CIPC: variants seen among roughly 807,000 people sequenced by gnomAD.
CIPC encodes the protein CLOCK-interacting pacemaker.
CIPC carries 12 observed loss-of-function variants against 26.7 expected under a neutral mutation model. That is an observed-to-expected ratio of 0.45 (90% CI 0.29 to 0.73). CIPC has a LOEUF of 0.73. Among genes scored for constraint, CIPC ranks in the 30% least tolerant of loss-of-function variants. The pLI is 0.12. For missense variants in CIPC, 417 were observed against 486.5 expected (o/e 0.86, Z 1.34); for synonymous variants, 170 against 189.8 (o/e 0.90, Z 0.86).
chr14:77,113,915 T>C lies in CIPC; in HGVS notation c.797T>C (p.Val266Ala). Residue 266 changes from valine (V) to alanine (A), a missense_variant, in exon 4 of 4, where the codon GTC (valine) becomes GCC (alanine). By Grantham distance (64) the Val-to-Ala change is moderately conservative. Transcript: ENST00000361786. ...ACCTTCGCTTCCCCCGCCAGTCCTG[T>C]CTGCGCATCAGACAGCACTCTCCAT... ...SLTFASPASP[V>A]CASDSTLHGL... 1 of 1,614,148 alleles carries C rather than the reference T, an allele frequency of 6.2e-7. No homozygotes were observed. Among genetic ancestry groups the C allele is most frequent in the Non-Finnish European group, 8.5e-7 (1 of 1,180,032 alleles).
intron 3 of CIPC, among the ~76,000 whole-genome samples, chr14:77,110,849 TC>T (rs1276279820): frequency 1.3e-5 from 2 of 152,192 alleles, no homozygotes; most frequent in African/African-American, 2.4e-5. Flanking sequence ...AGTTGACTTT[TC>T]CCCCCTTAGG....
intron 1 of CIPC, among the ~76,000 whole-genome samples, chr14:77,105,171 A>T (rs1886567632): frequency 6.6e-6 from 1 of 152,234 alleles, no homozygotes; most frequent in Non-Finnish European, 1.5e-5. Context: ...GAAACACAAC[A>T]CTGTGGGAGG....
chr14:77,110,894 G>A (rs1035845691), intron 3 of CIPC, among the ~76,000 whole-genome samples: 1 of 152,130 alleles, frequency 6.6e-6, no homozygotes, highest in Admixed American at 6.5e-5. Flanking sequence ...AACTTGACAG[G>A]AAATCTTAAT....
rs1886821430 is a variant in CIPC, at chr14:77,116,855, G to C, written c.*2537G>C. On this transcript the variant is annotated 3_prime_UTR_variant, in exon 4 of 4. Transcript: ENST00000361786. ...GTTGCCCAAGGCTGTAAGTAGTGAT[G>C]GTTTTAGCGATGAATAACGTAATTG... 1 of 152,204 alleles carries C rather than the reference G, an allele frequency of 6.6e-6. No homozygotes were observed. The highest frequency in any genetic ancestry group is 2.1e-4 in the South Asian group (1 of 4,830). 9.4% of individuals were successfully genotyped at this position (152,204 alleles called of 1,614,324 possible).
chr14:77,108,606 G>A (rs770097874), intron 2 of CIPC, among the ~76,000 whole-genome samples: 12 of 151,970 alleles, frequency 7.9e-5, no homozygotes, highest in Admixed American at 3.3e-4. Flanking sequence ...CAGGAGAACC[G>A]CTTGAACCCG....
At chr14:77,107,495 A>C (rs913889633) in intron 2 of CIPC, among the ~76,000 whole-genome samples, 1 of 152,190 alleles carries the variant, frequency 6.6e-6, no homozygotes, top group South Asian at 2.1e-4. Flanking sequence ...TGAAATTTGC[A>C]AAATCAAGAC....
rs1287077545 is a variant in CIPC, at chr14:77,107,658, A to ACACACTCT, written c.136+1815_136+1816insACACTCTC. On this transcript the variant is annotated intron_variant, in intron 2 of 3. Transcript: ENST00000361786. ...CACACACACACACACACACACACAC[A>ACACACTCT]CTCTCTCTCTGAATTATTTGAAAGT... 6.9e-5 allele frequency among the ~76,000 whole-genome samples: 10 copies of ACACACTCT among 145,262 alleles called. No homozygotes were observed. The South Asian group carries it at 1.1e-3, about 16-fold the overall frequency.
At position 77,101,158 on chromosome 14, in the gene CIPC, A is replaced by G. The variant is rs369150263; in HGVS notation, c.-53+2797A>G. 9.2e-5 allele frequency among the ~76,000 whole-genome samples: 14 copies of G among 152,314 alleles called. No individual in the cohort carries two copies. The East Asian group carries it at 2.1e-3, about 23-fold the overall frequency. On this transcript the variant is annotated intron_variant, in intron 1 of 3. Coordinates refer to ENST00000361786, the MANE Select transcript of CIPC (RefSeq NM_033426.3). Reference sequence around the variant, plus strand: ...GAGCATGTAACTTTATTGTAAACTAATATCTAAGAGGAAAAAAATCAAGCA... The same window carrying G: ...GAGCATGTAACTTTATTGTAAACTAGTATCTAAGAGGAAAAAAATCAAGCA...
At chr14:77,101,852 G>A (rs1594818552) in intron 1 of CIPC, among the ~76,000 whole-genome samples, 1 of 152,326 alleles carries the variant, frequency 6.6e-6, no homozygotes. Flanking sequence ...TTGGGAGGCT[G>A]AGGTGGGAGG....
chr14:77,103,678 G>C (rs1886536379), intron 1 of CIPC, among the ~76,000 whole-genome samples: 1 of 152,154 alleles, frequency 6.6e-6, no homozygotes, highest in African/African-American at 2.4e-5. Flanking sequence ...TGGCACTGTT[G>C]ATCTAGGTCT....
chr14:77,108,358 T>C (rs939818903), intron 2 of CIPC, among the ~76,000 whole-genome samples: 7 of 152,222 alleles, frequency 4.6e-5, no homozygotes, highest in Non-Finnish European at 8.8e-5. Flanking sequence ...TTAGCATCCA[T>C]TGATGATCTT....
intron 2 of CIPC, among the ~76,000 whole-genome samples, chr14:77,109,505 C>T (rs1886652183): frequency 6.6e-6 from 1 of 152,152 alleles, no homozygotes; most frequent in African/African-American, 2.4e-5. Flanking sequence ...GAACTCATTT[C>T]TCCTGTAGAC....
chr14:77,105,958 ATACT>A, intron 2 of CIPC, 114 bp downstream of exon 2: 1 of 1,215,424 alleles, frequency 8.2e-7, no homozygotes, highest in South Asian at 1.6e-5. Context: ...CACAGGATAA[ATACT>A]TACCTGCTTT....
At chr14:77,108,993 G>A (rs536503004) in intron 2 of CIPC, among the ~76,000 whole-genome samples, 1 of 152,044 alleles carries the variant, frequency 6.6e-6, no homozygotes, top group Non-Finnish European at 1.5e-5. Flanking sequence ...GGCTCATCTC[G>A]TATCTTCCCT....
chr14:77,115,446 G>T lies in CIPC; in HGVS notation c.*1128G>T, dbSNP rs1400773192. The T allele has an allele frequency of 6.6e-6, 1 of 152,110 alleles. No individual in the cohort carries two copies. Among genetic ancestry groups the T allele is most frequent in the African/African-American group, 2.4e-5 (1 of 41,424 alleles). The allele number at this position is 152,110 out of a possible 1,614,324, so 9.4% of individuals were successfully genotyped here. A position where few individuals can be genotyped will look rare whatever the true frequency, so the allele number is the denominator to read the frequency against. ...GCAGCGTCTTCTGTGTTTCCTTCAT[G>T]TGTTAGATATTGGCAACAAAGCCAG... On this transcript the variant is annotated 3_prime_UTR_variant, in exon 4 of 4. Transcript: ENST00000361786.
chr14:77,106,289 G>A (rs1886588894), intron 2 of CIPC, among the ~76,000 whole-genome samples: 1 of 152,136 alleles, frequency 6.6e-6, no homozygotes, highest in Non-Finnish European at 1.5e-5. Context: ...TGAGAAAGTA[G>A]TTTCGCTGTG....
At chr14:77,104,777 T>C (rs74069034) in intron 1 of CIPC, among the ~76,000 whole-genome samples, 5,535 of 152,266 alleles carry the variant, frequency 0.036, 365 homozygotes, top group African/African-American at 0.13. Context: ...GCTAGTTGAG[T>C]GATTACTTGA....
In CIPC at chr14:77,113,977, G is replaced by C. The variant is rs750253707; in HGVS notation, c.859G>C (p.Ala287Pro). The change falls in exon 4 of 4, where the codon GCT (alanine) becomes CCT (proline). Residue 287 changes from alanine (A) to proline (P), a missense_variant. Coordinates refer to ENST00000361786, the MANE Select transcript of CIPC (RefSeq NM_033426.3). ...CAACTCTCCCCTTTCACCACTGTCC[G>C]CTAATTATAGCTCACCTTTATGGGC... ...ESNSPLSPLS[A>P]NYSSPLWAAE... 1 of 1,614,172 alleles carries C rather than the reference G, an allele frequency of 6.2e-7. No homozygotes were observed. Among genetic ancestry groups the C allele is most frequent in the East Asian group, 2.2e-5 (1 of 44,884 alleles).
Position 77,114,102 on chromosome 14 carries a change from T to G in CIPC, c.984T>G (p.Gly328=). 1 of 1,614,072 alleles carries G rather than the reference T, an allele frequency of 6.2e-7. No homozygotes were observed. Among genetic ancestry groups the G allele is most frequent in the Non-Finnish European group, 8.5e-7 (1 of 1,180,026 alleles). Residue 328 remains glycine, a synonymous_variant, in exon 4 of 4, where the codon GGT becomes GGG. Transcript: ENST00000361786. ...QNTLVVLHKS[G]LLEITLKTKE... ...CCCTAGTAGTCCTACATAAATCTGG[T>G]TTGCTGGAGATCACTTTGAAAACCA...
Sources: gnomAD v4.1 joint callset for allele counts (sites outside exome capture counted in the v4.1 genomes callset) on GRCh38, gnomAD v4.1.1 for gene constraint, MANE v1.5 for transcripts, NCBI Gene and HGNC (gene_info 2026-07-23, HGNC 2026-07-21) for gene names.